Variants in SMC2 observed in about 807,000 individuals in gnomAD.
SMC2 encodes structural maintenance of chromosomes protein 2.
SMC2 carries 41 observed loss-of-function variants against 142.6 expected under a neutral mutation model. That is an observed-to-expected ratio of 0.29 (90% confidence interval 0.22 to 0.37). The LOEUF is 0.37. Ranked by LOEUF, SMC2 falls within the 10% of genes least tolerant of loss-of-function variation. The pLI is 1.00. For missense variants in SMC2, 1,265 were observed against 1,373.7 expected, an observed-to-expected ratio of 0.92 and a Z score of 1.25; for synonymous variants, 463 against 457.5, an observed-to-expected ratio of 1.01 and a Z score of -0.15.
upstream of SMC2, chr9:104,093,193 G>C (rs575424200): frequency 2.0e-5 from 3 of 152,212 alleles, no homozygotes; most frequent in East Asian, 5.8e-4. Flanking sequence ...CCATCTTTTT[G>C]AACCTCACTT....
At position 104,095,320 on chromosome 9, in the gene SMC2, A is replaced by G. The variant is rs1830331592; in HGVS notation, c.-61-4A>G. On this transcript the variant is annotated splice_region_variant and splice_polypyrimidine_tract_variant and intron_variant, in intron 1 of 24. Transcript: ENST00000374793. The stretch of plus-strand genomic sequence containing the variant: ...TTAGGTGGTGGTATTTCTGTTTCGT[A>G]CAGAACTGGTTTGTGGCCTGTTTGA... 1.5e-6 allele frequency: 2 copies of G among 1,358,062 alleles called. No homozygotes were observed. The highest frequency in any genetic ancestry group is 1.3e-5 in the South Asian group (1 of 77,450). 84.1% of individuals were successfully genotyped at this position (1,358,062 alleles called of 1,614,324 possible).
chr9:104,092,029 CCCTCA>C (rs1286583829), upstream of SMC2: 2 of 152,154 alleles, frequency 1.3e-5, no homozygotes, highest in African/African-American at 4.8e-5. Context: ...CTGTTTCTAC[CCCTCA>C]CATCTCCAAA....
Position 104,136,304 on chromosome 9 carries a change from C to G in SMC2, c.3270-1714C>G, listed in dbSNP as rs376925643. ...TAATGTTCCTTATGACCCCCTTTAT[C>G]ATTTTTATGAGTAGAAATATATTTT... On this transcript the variant is annotated intron_variant, in intron 23 of 24. Coordinates refer to ENST00000374793, the MANE Select transcript of SMC2 (RefSeq NM_006444.3). Among the ~76,000 whole-genome samples, 135 of 151,896 alleles carry G rather than the reference C, an allele frequency of 8.9e-4. 3 individuals are homozygous for G. The South Asian group carries it at 0.028, about 32-fold the overall frequency.
At chr9:104,136,108 C>T in intron 23 of SMC2, 1 of 310,914 alleles carries the variant, frequency 3.2e-6, no homozygotes, top group South Asian at 2.9e-5. Context: ...TAATTAAAAC[C>T]TCCTGAAAGA....
chr9:104,097,524 A>G (rs924309858), intron 3 of SMC2, among the ~76,000 whole-genome samples: 5 of 151,122 alleles, frequency 3.3e-5, no homozygotes, highest in Non-Finnish European at 5.9e-5. Flanking sequence ...AAAAAAAAAA[A>G]AAGAAGCGTA....
rs372589005 is a variant in SMC2 at position 104,124,864 on chromosome 9, A to G, written c.2258-48A>G. ...CTTCTATTAAAAGTTGAATTTGTCAACCTTTACCATTGTTAACTTAGCCAC... is the reference window on the plus strand; with the variant it reads ...CTTCTATTAAAAGTTGAATTTGTCAGCCTTTACCATTGTTAACTTAGCCAC... On this transcript the variant is annotated intron_variant, in intron 17 of 24. Coordinates refer to ENST00000374793, the MANE Select transcript of SMC2 (RefSeq NM_006444.3). The G allele has an allele frequency of 3.7e-5, 54 of 1,444,414 alleles. No individual in the cohort carries two copies. In the African/African-American group the frequency reaches 4.9e-4, roughly 13 times the overall value. 89.5% of individuals were successfully genotyped at this position (1,444,414 alleles called of 1,614,324 possible).
Position 104,098,474 on chromosome 9 carries a change from T to C in SMC2, c.347T>C (p.Leu116Ser), listed in dbSNP as rs779678324. The C allele has an allele frequency of 1.9e-6, 3 of 1,593,592 alleles. No individual in the cohort carries two copies. The highest frequency in any genetic ancestry group is 2.6e-6 in the Non-Finnish European group (3 of 1,172,804). ...GTTATTGGTGGTAGAAATAAATATT[T>C]AATCAATGGAGTCAATGCCAACAAC... The part of the protein sequence containing the change: ...QVVIGGRNKY[L>S]INGVNANNTR... Residue 116 changes from leucine to serine, a missense_variant, in exon 4 of 25, where the codon TTA (leucine) becomes TCA (serine). Coordinates refer to ENST00000374793, the MANE Select transcript of SMC2 (RefSeq NM_006444.3).
At chr9:104,120,332 C>A (rs1272619747) in intron 16 of SMC2, among the ~76,000 whole-genome samples, 170 bp downstream of exon 16, 1 of 151,700 alleles carries the variant, frequency 6.6e-6, no homozygotes, top group East Asian at 1.9e-4. Context: ...CCATTTTTTT[C>A]TCATAAGAGA....
upstream of SMC2, among the ~76,000 whole-genome samples, chr9:104,091,370 T>C (rs368447704): frequency 1.3e-5 from 2 of 149,360 alleles, no homozygotes; most frequent in East Asian, 2.0e-4. Context: ...TATGTTGCAC[T>C]ACGATGTTAC....
the SMC2 span, among the ~76,000 whole-genome samples, chr9:104,089,173 T>C: frequency 6.6e-6 from 1 of 152,138 alleles, no homozygotes; most frequent in Non-Finnish European, 1.5e-5. Context: ...TATACATATA[T>C]ATAGTAAAAC....
chr9:104,121,268 G>A (rs1425260998), intron 16 of SMC2, among the ~76,000 whole-genome samples: 2 of 152,144 alleles, frequency 1.3e-5, no homozygotes, highest in Non-Finnish European at 2.9e-5. Flanking sequence ...TGAGGCGGGT[G>A]GATCGCTTGA....
intron 18 of SMC2, among the ~76,000 whole-genome samples, chr9:104,126,146 G>C (rs1834243556): frequency 6.6e-6 from 1 of 152,026 alleles, no homozygotes; most frequent in South Asian, 2.1e-4. Flanking sequence ...TCTGAGATGG[G>C]GTGGTTTTAT....
intron 21 of SMC2, 73 bp downstream of exon 21, chr9:104,129,918 A>T (rs1046586813): frequency 1.8e-6 from 2 of 1,100,994 alleles, no homozygotes; most frequent in Non-Finnish European, 1.4e-6. Flanking sequence ...ATGACCTCTG[A>T]TGCAATTATT....
chr9:104,100,165 A>G lies in SMC2; in HGVS notation c.553A>G (p.Ile185Val), dbSNP rs1564069569. 1 of 1,576,392 alleles carries G rather than the reference A, an allele frequency of 6.3e-7. No homozygotes were observed. The highest frequency in any genetic ancestry group is 8.5e-7 in the Non-Finnish European group (1 of 1,169,688). ...EYKKIAAQKT[I>V]EKKEAKLKEI... ...CAAAAAAATAGCTGCACAGAAAACT[A>G]TAGAAAAAAAGGAGGCTAAGCTGAA... is the stretch of plus-strand genomic sequence containing the variant. Residue 185 changes from isoleucine to valine, a missense_variant, in exon 6 of 25, where the codon ATA (isoleucine) becomes GTA (valine). Ile to Val is a conservative substitution (Grantham distance 29). Transcript: ENST00000374793.
At chr9:104,093,580 AG>A (rs146434299), upstream of SMC2, among the ~76,000 whole-genome samples, 14,662 of 152,308 alleles carry the variant, frequency 0.096, 765 homozygotes, top group South Asian at 0.12. Context: ...AAAGGTTTCC[AG>A]AAAAAATCCC....
In SMC2 at chr9:104,114,692, G is replaced by A. The variant is rs565543975; in HGVS notation, c.1534G>A (p.Asp512Asn). Residue 512 changes from aspartate (D) to asparagine (N), a missense_variant and splice_region_variant, in exon 13 of 25, where the codon GAT becomes AAT. Around this residue, in one of 4 missense-constraint regions of SMC2, gnomAD observed 898 missense variants for 904.2 expected, o/e 0.99. Coordinates refer to ENST00000374793, the MANE Select transcript of SMC2 (RefSeq NM_006444.3). ...RFPNLRFAYKDPEKNWNRNCV... is the reference protein window; with the variant it reads ...RFPNLRFAYKNPEKNWNRNCV... The stretch of plus-strand genomic sequence containing the variant: ...TTTTTGTCAACTTTTGTATTTCAGG[G>A]ATCCAGAGAAGAACTGGAATAGAAA... The A allele has an allele frequency of 6.2e-7, 1 of 1,607,978 alleles. No individual in the cohort carries two copies. Among genetic ancestry groups the A allele is most frequent in the South Asian group, 1.1e-5 (1 of 90,142 alleles).
At chr9:104,120,371 CTATT>C (rs1238212445) in intron 16 of SMC2, among the ~76,000 whole-genome samples, 3 of 152,076 alleles carry the variant, frequency 2.0e-5, no homozygotes, top group Non-Finnish European at 2.9e-5. Context: ...TTAGCAAAAT[CTATT>C]TAAGCAAAAC....
chr9:104,124,273 G>A (rs1339765272), intron 17 of SMC2, among the ~76,000 whole-genome samples: 1 of 148,178 alleles, frequency 6.7e-6, no homozygotes, highest in African/African-American at 2.4e-5. Context: ...TTTTAGTAGA[G>A]ATGAGGTTTT....
chr9:104,111,908 TAATC>T, intron 10 of SMC2, 94 bp downstream of exon 10: 2 of 893,870 alleles, frequency 2.2e-6, no homozygotes, highest in Non-Finnish European at 3.4e-6. Context: ...ATGTTGAAAA[TAATC>T]AGTCTCAAGG....
Sources: gnomAD v4.1 joint callset for allele counts (sites outside exome capture counted in the v4.1 genomes callset) on GRCh38, gnomAD v4.1.1 for gene constraint, gnomAD v4.1.1 regional missense constraint, MANE v1.5 for transcripts, NCBI Gene and HGNC (gene_info 2026-07-23, HGNC 2026-07-21) for gene names.